The following OR56A1 variants were observed in gnomAD, a reference collection of about 807,000 sequenced individuals.
OR56A1 encodes the protein olfactory receptor family 56 subfamily A member 1, also known as olfactory receptor 56A1.
For synonymous variants in OR56A1, 174 were observed against 159.1 expected (o/e 1.09, Z -0.70); for missense variants, 360 against 380.9 (o/e 0.94, Z 0.46).
At position 6,019,451 on chromosome 11, in the gene OR56A1, T is replaced by A. The variant is rs1411746069; in HGVS notation, c.*7297A>T. 2.0e-5 allele frequency: 3 copies of A among 152,226 alleles called. No homozygotes were observed. The highest frequency in any genetic ancestry group is 4.4e-5 in the Non-Finnish European group (3 of 68,066). The allele number at this position is 152,226 out of a possible 1,614,324, so 9.4% of individuals were successfully genotyped here. On this transcript the variant is annotated 3_prime_UTR_variant, in exon 2 of 2. Transcript: ENST00000641900. The stretch of plus-strand genomic sequence containing the variant: ...AAGACTTATCTGAAACTGGGCAATT[T>A]ACAAAAGAAATAGGTTTAATTGGAC...
At chr11:6,029,141 C>T (rs540898159) in intron 1 of OR56A1, among the ~76,000 whole-genome samples, 11 of 152,026 alleles carry the variant, frequency 7.2e-5, no homozygotes, top group Middle Eastern at 3.4e-3. Flanking sequence ...AAGGGTGAGG[C>T]GGGTGAGAGG....
At chr11:6,032,196 A>G (rs969062748), upstream of OR56A1, among the ~76,000 whole-genome samples, 1 of 152,152 alleles carries the variant, frequency 6.6e-6, no homozygotes, top group Admixed American at 6.6e-5. Flanking sequence ...TTGACTGTGT[A>G]GCTAAAGTCC....
chr11:6,020,590 T>G lies in OR56A1; in HGVS notation c.*6158A>C, dbSNP rs973247623. ...GTGGCAGCTGTGAATGGGATTGCCT[T>G]TCTAATTTGAATCTCAGTTTGGCTG... On this transcript the variant is annotated 3_prime_UTR_variant, in exon 2 of 2. Coordinates refer to ENST00000641900, the MANE Select transcript of OR56A1 (RefSeq NM_001388488.1). The G allele has an allele frequency of 3.9e-5, 6 of 152,158 alleles. No individual in the cohort carries two copies. The highest frequency in any genetic ancestry group is 7.4e-5 in the Non-Finnish European group (5 of 67,998). The allele number at this position is 152,158 out of a possible 1,614,324, so 9.4% of individuals were successfully genotyped here. A position where few individuals can be genotyped will look rare whatever the true frequency, so the allele number is the denominator to read the frequency against.
intron 1 of OR56A1, among the ~76,000 whole-genome samples, chr11:6,030,216 T>C (rs1848499110): frequency 6.6e-6 from 1 of 152,178 alleles, no homozygotes; most frequent in South Asian, 2.1e-4. Flanking sequence ...GCAGTCTAGG[T>C]TTCTTTATAA....
Position 6,021,289 on chromosome 11 carries a change from C to A in OR56A1, c.*5459G>T, listed in dbSNP as rs1215999755. On this transcript the variant is annotated 3_prime_UTR_variant, in exon 2 of 2. Transcript: ENST00000641900. The stretch of plus-strand genomic sequence containing the variant: ...GAATTTAAAAAATGTATTGATCCTA[C>A]ACAAATTACAATTAGAAAGGAGAAA... 3 of 151,962 alleles carry A rather than the reference C, an allele frequency of 2.0e-5. No individual in the cohort carries two copies. Among genetic ancestry groups the A allele is most frequent in the Non-Finnish European group, 2.9e-5 (2 of 67,956 alleles). The allele number at this position is 151,962 out of a possible 1,614,324, so 9.4% of individuals were successfully genotyped here.
In OR56A1 at chr11:6,026,654, A is replaced by G; in HGVS notation, c.*94T>C. 2.6e-6 allele frequency: 2 copies of G among 776,784 alleles called. No individual in the cohort carries two copies. The highest frequency in any genetic ancestry group is 4.3e-6 in the Non-Finnish European group (2 of 464,544). The allele number at this position is 776,784 out of a possible 1,614,324, so 48.1% of individuals were successfully genotyped here. ...TAATGAAGGGAGCCTCAGTGCATGC[A>G]ATAAACACTCACTAACTGACATTTC... On this transcript the variant is annotated 3_prime_UTR_variant, in exon 2 of 2. Transcript: ENST00000641900.
At position 6,026,191 on chromosome 11, in the gene OR56A1, T is replaced by C. The variant is rs1320774590; in HGVS notation, c.*557A>G. 6.5e-6 allele frequency: 1 copy of C among 153,504 alleles called. No individual in the cohort carries two copies. The highest frequency in any genetic ancestry group is 6.5e-5 in the Admixed American group (1 of 15,478). The allele number at this position is 153,504 out of a possible 1,614,324, so 9.5% of individuals were successfully genotyped here. On this transcript the variant is annotated 3_prime_UTR_variant, in exon 2 of 2. Transcript: ENST00000641900. The stretch of plus-strand genomic sequence containing the variant: ...TTGCTTTATATTGTTATAAAGTTCT[T>C]TTCTTCTTGCCCAGCAGAAGTTTTG...
intron 1 of OR56A1, among the ~76,000 whole-genome samples, chr11:6,027,973 A>T (rs1250408530): frequency 6.6e-6 from 1 of 152,132 alleles, no homozygotes; most frequent in African/African-American, 2.4e-5. Flanking sequence ...CAGTAACCTC[A>T]CTATATGTTA....
Position 6,024,379 on chromosome 11 carries a change from C to G in OR56A1, c.*2369G>C, listed in dbSNP as rs1177959999. On this transcript the variant is annotated 3_prime_UTR_variant, in exon 2 of 2. Coordinates refer to ENST00000641900, the MANE Select transcript of OR56A1 (RefSeq NM_001388488.1). ...GCCATTTGCATTGATCTACAGAAGTCTGGTTCGGGAATTAAGATCTGAGTT... is the reference window on the plus strand; with the variant it reads ...GCCATTTGCATTGATCTACAGAAGTGTGGTTCGGGAATTAAGATCTGAGTT... 1 of 152,102 alleles carries G rather than the reference C, an allele frequency of 6.6e-6. No individual in the cohort carries two copies. Among genetic ancestry groups the G allele is most frequent in the African/African-American group, 2.4e-5 (1 of 41,422 alleles). 9.4% of individuals were successfully genotyped at this position (152,102 alleles called of 1,614,324 possible).
rs1228905717 is a variant in OR56A1 at position 6,026,864 on chromosome 11, T to C, written c.829A>G (p.Ile277Val). The change falls in exon 2 of 2, where the codon ATC becomes GTC. Residue 277 changes from isoleucine (I) to valine (V), a missense_variant. Coordinates refer to ENST00000641900, the MANE Select transcript of OR56A1 (RefSeq NM_001388488.1). ...ARKKVPMDIL[I>V]LLNVLHHLIP... ...AGGTGATGAAGGACGTTCAGCAGGA[T>C]CAGGATGTCCATGGGGACCTTCTTT... 1 of 1,614,004 alleles carries C rather than the reference T, an allele frequency of 6.2e-7. No individual in the cohort carries two copies. Among genetic ancestry groups the C allele is most frequent in the Admixed American group, 1.7e-5 (1 of 60,016 alleles).
At position 6,026,861 on chromosome 11, in the gene OR56A1, G is replaced by C. The variant is rs949432576; in HGVS notation, c.832C>G (p.Leu278Val). ...RKKVPMDILI[L>V]LNVLHHLIPP... Reference sequence around the variant, plus strand: ...ATAAGGTGATGAAGGACGTTCAGCAGGATCAGGATGTCCATGGGGACCTTC... The same window carrying C: ...ATAAGGTGATGAAGGACGTTCAGCACGATCAGGATGTCCATGGGGACCTTC... The change falls in exon 2 of 2, where the codon CTG (leucine) becomes GTG (valine). Residue 278 changes from leucine (L) to valine (V), a missense_variant. Coordinates refer to ENST00000641900, the MANE Select transcript of OR56A1 (RefSeq NM_001388488.1). The C allele has an allele frequency of 1.2e-6, 2 of 1,613,978 alleles. No individual in the cohort carries two copies. Among genetic ancestry groups the C allele is most frequent in the Non-Finnish European group, 1.7e-6 (2 of 1,179,900 alleles).
chr11:6,027,605 G>A lies in OR56A1; in HGVS notation c.88C>T (p.Leu30Phe), dbSNP rs528996256. Residue 30 changes from leucine to phenylalanine, a missense_variant, in exon 2 of 2, where the codon CTC (leucine) becomes TTC (phenylalanine). Physicochemically the swap from Leu to Phe is conservative, Grantham distance 22. Transcript: ENST00000641900. ...AAGAGAAGGCTGAGGGGCAGGGAGA[G>A]CCAGTGCTGCCAACTCTGGAAGTTG... ...FPNFQSWQHW[L>F]SLPLSLLFLL... is the part of the protein sequence containing the mutation. The A allele has an allele frequency of 5.6e-6, 9 of 1,613,614 alleles. No homozygotes were observed. The African/African-American group carries it at 8.0e-5, about 14-fold the overall frequency.
rs1848386945 is a variant in OR56A1 at position 6,020,738 on chromosome 11, C to T, written c.*6010G>A. The T allele has an allele frequency of 6.6e-6, 1 of 152,024 alleles. No homozygotes were observed. Among genetic ancestry groups the T allele is most frequent in the African/African-American group, 2.4e-5 (1 of 41,410 alleles). 9.4% of individuals were successfully genotyped at this position (152,024 alleles called of 1,614,324 possible). On this transcript the variant is annotated 3_prime_UTR_variant, in exon 2 of 2. Coordinates refer to ENST00000641900, the MANE Select transcript of OR56A1 (RefSeq NM_001388488.1). Reference sequence around the variant, plus strand: ...CTGTGGGGTTTTCTATATATAGAATCATGTCATCTGCAAACAGAGACAGTT... The same window carrying T: ...CTGTGGGGTTTTCTATATATAGAATTATGTCATCTGCAAACAGAGACAGTT...
At chr11:6,029,353 A>G (rs1315404034) in intron 1 of OR56A1, among the ~76,000 whole-genome samples, 1 of 152,164 alleles carries the variant, frequency 6.6e-6, no homozygotes, top group Non-Finnish European at 1.5e-5. Context: ...TTTCATTAAA[A>G]TAAATAATCT....
At chr11:6,028,814 T>C (rs1188904491) in intron 1 of OR56A1, among the ~76,000 whole-genome samples, 2 of 152,084 alleles carry the variant, frequency 1.3e-5, no homozygotes, top group South Asian at 2.1e-4. Flanking sequence ...GAAAACGATA[T>C]ATCAAAAAGA....
Position 6,026,928 on chromosome 11 carries a change from G to A in OR56A1, c.765C>T (p.Ser255=), listed in dbSNP as rs1397477913. 6.2e-7 allele frequency: 1 copy of A among 1,614,074 alleles called. No individual in the cohort carries two copies. Among genetic ancestry groups the A allele is most frequent in the East Asian group, 2.2e-5 (1 of 44,890 alleles). The change falls in exon 2 of 2, where the codon AGC becomes AGT. Residue 255 remains serine (S), a synonymous_variant. Transcript: ENST00000641900. ...GSHFILILFF[S]TILLVVVLTN... is the part of the protein sequence containing the mutation. Reference sequence around the variant, plus strand: ...TCAACACCACAACCAGCAGTATGGTGCTGAAGAAAAGAATGAGGATGAAGT... The same window carrying A: ...TCAACACCACAACCAGCAGTATGGTACTGAAGAAAAGAATGAGGATGAAGT...
Position 6,021,213 on chromosome 11 carries a change from T to G in OR56A1, c.*5535A>C, listed in dbSNP as rs1317396830. On this transcript the variant is annotated 3_prime_UTR_variant, in exon 2 of 2. Transcript: ENST00000641900. ...AAAACCTATTAGGCCTTCGAGGGGG[T>G]TTATTGCCAAAGAAACATGAACTTG... 1 of 151,942 alleles carries G rather than the reference T, an allele frequency of 6.6e-6. No individual in the cohort carries two copies. Among genetic ancestry groups the G allele is most frequent in the Non-Finnish European group, 1.5e-5 (1 of 67,924 alleles). 9.4% of individuals were successfully genotyped at this position (151,942 alleles called of 1,614,324 possible).
rs1463519267 is a variant in OR56A1 at position 6,023,876 on chromosome 11, GC to G, written c.*2871del. 6.6e-6 allele frequency: 1 copy of G among 152,214 alleles called. No individual in the cohort carries two copies. 9.4% of individuals were successfully genotyped at this position (152,214 alleles called of 1,614,324 possible). On this transcript the variant is annotated 3_prime_UTR_variant, in exon 2 of 2. Coordinates refer to ENST00000641900, the MANE Select transcript of OR56A1 (RefSeq NM_001388488.1). ...GGAACTTCACAGCAGAGTTGGGTCTGCCCTTCATGGTCTGATTCTTTGGTTA... is the reference window on the plus strand; with the variant it reads ...GGAACTTCACAGCAGAGTTGGGTCTGCCTTCATGGTCTGATTCTTTGGTTA...
chr11:6,027,810 T>A (rs1848472140), intron 1 of OR56A1, 84 bp from the exon 2 acceptor site: 8 of 842,142 alleles, frequency 9.5e-6, no homozygotes, highest in Non-Finnish European at 1.5e-5. Flanking sequence ...AGGAAGCCAA[T>A]GATAGGTAGT....
Sources: gnomAD v4.1 joint callset for allele counts (sites outside exome capture counted in the v4.1 genomes callset) on GRCh38, gnomAD v4.1.1 for gene constraint, MANE v1.5 for transcripts, NCBI Gene and HGNC (gene_info 2026-07-23, HGNC 2026-07-21) for gene names.